Variants in RANBP17 observed in about 807,000 individuals in gnomAD.
RANBP17 encodes the protein RAN binding protein 17.
In RANBP17, 158 loss-of-function variants were observed where a neutral mutation model predicts 141.2. The observed-to-expected ratio is 1.12, with a 90% CI of 0.98 to 1.28. RANBP17 has a LOEUF of 1.28. RANBP17 is among the 50% of genes most tolerant of loss of function. RANBP17 has a pLI of 0.00. For synonymous variants in RANBP17, 430 were observed against 450.0 expected (o/e 0.96, Z 0.56); for missense variants, 1,438 against 1,290.7 (o/e 1.11, Z -1.75).
intron 10 of RANBP17, 108 bp from the exon 11 acceptor site, chr5:170,919,333 G>A (rs1006571091): frequency 6.5e-5 from 52 of 801,664 alleles, no homozygotes; most frequent in Non-Finnish European, 9.2e-5. Context: ...TAGTTTTATA[G>A]TAAGAATAAA....
chr5:171,166,129 G>A (rs550601507), intron 14 of RANBP17, among the ~76,000 whole-genome samples: 163 of 152,194 alleles, frequency 1.1e-3, no homozygotes, highest in Non-Finnish European at 1.9e-3. Context: ...CTGCTCTCAG[G>A]GAGCTTACAG....
intron 12 of RANBP17, among the ~76,000 whole-genome samples, chr5:170,931,039 C>T (rs7722170): frequency 0.6 from 90,801 of 151,558 alleles, 28,927 homozygotes; most frequent in South Asian, 0.89. Flanking sequence ...AGTGTAAAAG[C>T]GTTCCTATTT....
In RANBP17 at chr5:171,282,454, ATGTTGTTGTTGTTGT is replaced by A. The variant is rs11269694; in HGVS notation, c.2944-11397_2944-11383del. Among the ~76,000 whole-genome samples the A allele has an allele frequency of 6.7e-3, 995 of 149,380 alleles. 6 individuals are homozygous for A. Among genetic ancestry groups the A allele is most frequent in the African/African-American group, 0.018 (723 of 40,414 alleles). ...AATCCTAGAAAAGGAAGAAAGCTGCATGTTGTTGTTGTTGTTGTTGTTGTTGTTGTTGTTGTTGTT... is the reference window on the plus strand; with the variant it reads ...AATCCTAGAAAAGGAAGAAAGCTGCATGTTGTTGTTGTTGTTGTTGTTGTT... On this transcript the variant is annotated intron_variant, in intron 25 of 27. Coordinates refer to ENST00000523189, the MANE Select transcript of RANBP17 (RefSeq NM_022897.5).
chr5:170,979,277 G>A (rs1296871383), intron 14 of RANBP17, among the ~76,000 whole-genome samples: 2 of 152,112 alleles, frequency 1.3e-5, no homozygotes, highest in East Asian at 1.9e-4. Context: ...GTGCATGGGT[G>A]TTTATTAAAT....
chr5:171,152,478 T>C (rs1034762880), intron 14 of RANBP17, among the ~76,000 whole-genome samples: 5 of 151,626 alleles, frequency 3.3e-5, no homozygotes, highest in Non-Finnish European at 7.4e-5. Context: ...TGAACTATCA[T>C]GCACAATGTA....
At chr5:171,236,396 A>G (rs1001685799) in intron 22 of RANBP17, among the ~76,000 whole-genome samples, 2 of 152,202 alleles carry the variant, frequency 1.3e-5, no homozygotes, top group African/African-American at 4.8e-5. Context: ...CACTTTTCTA[A>G]GTATTTTGAG....
intron 14 of RANBP17, among the ~76,000 whole-genome samples, chr5:171,114,070 TCA>T (rs1280626124): frequency 6.6e-6 from 1 of 152,120 alleles, no homozygotes; most frequent in East Asian, 1.9e-4. Context: ...TTTTTAATTC[TCA>T]GTTTTAATTT....
rs1210148841 is a variant in RANBP17 at position 171,256,562 on chromosome 5, G to A, written c.2777-9119G>A. Among the ~76,000 whole-genome samples the A allele has an allele frequency of 2.6e-5, 4 of 151,954 alleles. No individual in the cohort carries two copies. In the East Asian group the frequency reaches 5.8e-4, roughly 22 times the overall value. ...TTAGCAGTAGAAAAGAAATAGTAAG[G>A]ATCAGAGCAGAGCTAAATGAAGTAG... On this transcript the variant is annotated intron_variant, in intron 24 of 27. Coordinates refer to ENST00000523189, the MANE Select transcript of RANBP17 (RefSeq NM_022897.5).
At position 170,900,751 on chromosome 5, in the gene RANBP17, C is replaced by T. The variant is rs1770565430; in HGVS notation, c.489+4636C>T. Among the ~76,000 whole-genome samples the T allele has an allele frequency of 3.3e-5, 5 of 152,150 alleles. No individual in the cohort carries two copies. The South Asian group carries it at 1.0e-3, about 32-fold the overall frequency. On this transcript the variant is annotated intron_variant, in intron 5 of 27. Coordinates refer to ENST00000523189, the MANE Select transcript of RANBP17 (RefSeq NM_022897.5). ...ATGGATTTAGATAACTTATTTATTTCTGCCTTAATTTTGTTATTTACCCAG... is the reference window on the plus strand; with the variant it reads ...ATGGATTTAGATAACTTATTTATTTTTGCCTTAATTTTGTTATTTACCCAG...
chr5:170,959,195 C>T (rs1276546988), intron 13 of RANBP17, among the ~76,000 whole-genome samples: 1 of 152,178 alleles, frequency 6.6e-6, no homozygotes, highest in Non-Finnish European at 1.5e-5. Flanking sequence ...AGTCATCCCT[C>T]ATTATCAAGA....
intron 13 of RANBP17, among the ~76,000 whole-genome samples, chr5:170,955,384 A>G (rs930806035): frequency 1.3e-5 from 2 of 149,776 alleles, no homozygotes; most frequent in South Asian, 2.1e-4. Flanking sequence ...TTTTATATCT[A>G]TATTGATTAT....
chr5:171,245,725 C>T (rs960226493), intron 24 of RANBP17, among the ~76,000 whole-genome samples: 5 of 152,132 alleles, frequency 3.3e-5, no homozygotes, highest in Admixed American at 1.3e-4. Context: ...GTAACTGGGC[C>T]CCACCACTAA....
chr5:170,966,490 A>G (rs1375351713), intron 13 of RANBP17, among the ~76,000 whole-genome samples: 1 of 152,240 alleles, frequency 6.6e-6, no homozygotes, highest in Non-Finnish European at 1.5e-5. Flanking sequence ...ACAAAATTCA[A>G]CAACCCTTCA....
chr5:171,198,370 A>G (rs1762099432), intron 18 of RANBP17, among the ~76,000 whole-genome samples: 1 of 152,322 alleles, frequency 6.6e-6, no homozygotes, highest in East Asian at 1.9e-4. Flanking sequence ...TAAGTCCCCA[A>G]TTCTGTTGTA....
intron 21 of RANBP17, among the ~76,000 whole-genome samples, chr5:171,215,809 A>G (rs1029856703): frequency 1.3e-5 from 2 of 151,908 alleles, no homozygotes; most frequent in Non-Finnish European, 2.9e-5. Context: ...ATATTAGACC[A>G]TTGTCAGATG....
intron 25 of RANBP17, among the ~76,000 whole-genome samples, chr5:171,293,117 C>T (rs1315138275): frequency 6.6e-6 from 1 of 152,148 alleles, no homozygotes; most frequent in Non-Finnish European, 1.5e-5. Context: ...TGCAGTCTTC[C>T]CTGACTTCTC....
At chr5:171,157,536 G>A (rs1244935135) in intron 14 of RANBP17, among the ~76,000 whole-genome samples, 1 of 152,086 alleles carries the variant, frequency 6.6e-6, no homozygotes, top group Non-Finnish European at 1.5e-5. Context: ...TCTTAAAAAG[G>A]GCTTTAAAAT....
chr5:170,956,028 A>G (rs1318888494), intron 13 of RANBP17, among the ~76,000 whole-genome samples: 11 of 150,812 alleles, frequency 7.3e-5, no homozygotes, highest in South Asian at 6.3e-4. Flanking sequence ...ATCCACCTGT[A>G]TTTTCTCCCA....
At chr5:171,073,679 A>G (rs1343593944) in intron 14 of RANBP17, among the ~76,000 whole-genome samples, 1 of 152,182 alleles carries the variant, frequency 6.6e-6, no homozygotes, top group East Asian at 1.9e-4. Context: ...CGGTAGCTAC[A>G]GACTCATTCA....
Sources: allele counts gnomAD v4.1 joint callset (sites outside exome capture counted in the v4.1 genomes callset), GRCh38; gene constraint gnomAD v4.1.1; transcripts MANE v1.5; gene names NCBI Gene and HGNC (gene_info 2026-07-23, HGNC 2026-07-21).